The following PITPNC1 variants were observed in gnomAD, a reference collection of about 807,000 sequenced individuals.
The protein encoded by PITPNC1 is phosphatidylinositol transfer protein cytoplasmic 1.
A neutral mutation model predicts 44.7 loss-of-function variants in PITPNC1; 18 were observed. The observed-to-expected ratio is 0.40, with a 90% CI of 0.28 to 0.60. The LOEUF (loss-of-function observed/expected upper bound fraction) is 0.60, where lower values mean the gene tolerates loss of function less well. PITPNC1 is among the 20% of genes least tolerant of loss of function. The pLI, the probability that PITPNC1 is intolerant of heterozygous loss-of-function variation, is 0.39. For synonymous variants in PITPNC1, 141 were observed against 149.6 expected, an observed-to-expected ratio of 0.94 and a Z score of 0.42; for missense variants, 290 against 418.4, an observed-to-expected ratio of 0.69 and a Z score of 2.68.
intron 1 of PITPNC1, among the ~76,000 whole-genome samples, chr17:67,528,187 G>A (rs1017054775): frequency 2.0e-5 from 3 of 152,048 alleles, no homozygotes; most frequent in Admixed American, 6.6e-5. Context: ...GATTACAGGC[G>A]TGCACCACCA....
Position 67,391,067 on chromosome 17 carries a change from G to A in PITPNC1, c.48+12865G>A, listed in dbSNP as rs1277053532. Among the ~76,000 whole-genome samples, 3 of 151,798 alleles carry A rather than the reference G, an allele frequency of 2.0e-5. No homozygotes were observed. The East Asian group carries it at 5.8e-4, about 29-fold the overall frequency. On this transcript the variant is annotated intron_variant, in intron 1 of 8. Transcript: ENST00000581322. ...ATCTAATGACTTTTTTAGCGTGTGT[G>A]TGTGTGTGTGTGTGTGTGTTTAATC...
intron 1 of PITPNC1, among the ~76,000 whole-genome samples, chr17:67,413,678 G>C (rs966804991): frequency 7.9e-5 from 12 of 152,166 alleles, no homozygotes; most frequent in African/African-American, 2.9e-4. Context: ...GCCAGAGATA[G>C]ATGCCTGGGA....
chr17:67,680,862 T>C (rs1206187431), intron 8 of PITPNC1, among the ~76,000 whole-genome samples: 1 of 152,230 alleles, frequency 6.6e-6, no homozygotes, highest in Non-Finnish European at 1.5e-5. Flanking sequence ...TTCTGGGGCC[T>C]CCCTGACCCA....
At chr17:67,480,007 A>G (rs756452792) in intron 1 of PITPNC1, among the ~76,000 whole-genome samples, 5 of 152,258 alleles carry the variant, frequency 3.3e-5, no homozygotes, top group Non-Finnish European at 7.3e-5. Flanking sequence ...AGGTTTGTTG[A>G]ACAAGTAATT....
At chr17:67,634,061 G>A (rs2042001788) in intron 6 of PITPNC1, among the ~76,000 whole-genome samples, 1 of 152,164 alleles carries the variant, frequency 6.6e-6, no homozygotes, top group Non-Finnish European at 1.5e-5. Flanking sequence ...TGCCCCCAAA[G>A]AACCTCCACT....
intron 6 of PITPNC1, among the ~76,000 whole-genome samples, chr17:67,658,687 C>T (rs1319980319): frequency 6.6e-6 from 1 of 152,158 alleles, no homozygotes; most frequent in Non-Finnish European, 1.5e-5. Context: ...CTGGTGCCTG[C>T]CCACCTTGCT....
chr17:67,581,723 G>T (rs1226156295), intron 5 of PITPNC1, among the ~76,000 whole-genome samples: 1 of 152,098 alleles, frequency 6.6e-6, no homozygotes. Context: ...TTCAAAGTTG[G>T]TCCCAGAAAG....
intron 1 of PITPNC1, chr17:67,379,230 G>A: frequency 1.0e-6 from 1 of 985,780 alleles, no homozygotes; most frequent in Non-Finnish European, 1.2e-6. Context: ...CACCCAGACC[G>A]TCTTTATATT....
chr17:67,462,377 G>A lies in PITPNC1; in HGVS notation c.49-70425G>A, dbSNP rs984717680. The stretch of plus-strand genomic sequence containing the variant: ...CTCCTGAGTAGCCAGGATTATAGGC[G>A]CCCACCACCATGTCCAGCTAATTGT... On this transcript the variant is annotated intron_variant, in intron 1 of 8. Coordinates refer to ENST00000581322, the MANE Select transcript of PITPNC1 (RefSeq NM_012417.4). Among the ~76,000 whole-genome samples the A allele has an allele frequency of 8.6e-4, 129 of 150,860 alleles. 1 individual carries two copies. The highest frequency in any genetic ancestry group is 2.9e-3 in the African/African-American group (119 of 41,060).
chr17:67,457,078 A>G (rs564054697), intron 1 of PITPNC1: 2 of 151,644 alleles, frequency 1.3e-5, no homozygotes, highest in South Asian at 4.2e-4. Flanking sequence ...ACTACTGATC[A>G]GCACAGGAGT....
At chr17:67,495,111 C>T (rs1228200881) in intron 1 of PITPNC1, among the ~76,000 whole-genome samples, 1 of 114,962 alleles carries the variant, frequency 8.7e-6, no homozygotes, top group Non-Finnish European at 1.6e-5. Flanking sequence ...GGCTGGAGTG[C>T]AGTGGCGCTA....
chr17:67,473,368 G>A (rs1010203579), intron 1 of PITPNC1, among the ~76,000 whole-genome samples: 2 of 151,378 alleles, frequency 1.3e-5, no homozygotes, highest in East Asian at 2.0e-4. Flanking sequence ...TCGCTCTGTC[G>A]CCCAGGCTGG....
intron 1 of PITPNC1, among the ~76,000 whole-genome samples, chr17:67,453,997 C>G (rs531065552): frequency 4.8e-4 from 73 of 152,054 alleles, no homozygotes; most frequent in African/African-American, 1.7e-3. Flanking sequence ...CGTCGGTAAT[C>G]GCCAGCATTT....
chr17:67,691,147 G>C (rs1226472610), intron 8 of PITPNC1, among the ~76,000 whole-genome samples: 2 of 151,872 alleles, frequency 1.3e-5, no homozygotes, highest in Non-Finnish European at 2.9e-5. Context: ...AGTAATAATA[G>C]AGTTTCTGAG....
intron 8 of PITPNC1, among the ~76,000 whole-genome samples, chr17:67,681,743 C>G (rs1023700046): frequency 1.4e-4 from 21 of 149,154 alleles, no homozygotes; most frequent in African/African-American, 4.9e-4. Context: ...ATGAGAAAAA[C>G]AAGAAAATAG....
At chr17:67,426,253 A>G (rs1175293799) in intron 1 of PITPNC1, among the ~76,000 whole-genome samples, 2 of 152,212 alleles carry the variant, frequency 1.3e-5, no homozygotes, top group Non-Finnish European at 2.9e-5. Flanking sequence ...CAATCCCATT[A>G]CTGGGTATAT....
intron 6 of PITPNC1, chr17:67,632,568 TC>T: frequency 1.1e-5 from 2 of 176,476 alleles, no homozygotes; most frequent in Non-Finnish European, 1.1e-5. Context: ...TTACATGCGC[TC>T]TTTTTTTTTT....
chr17:67,635,652 G>T (rs2042023671), intron 6 of PITPNC1, among the ~76,000 whole-genome samples: 1 of 152,176 alleles, frequency 6.6e-6, no homozygotes, highest in South Asian at 2.1e-4. Context: ...GAGCCTTCAA[G>T]GATGGCAGCA....
chr17:67,447,301 T>A (rs2039112275), intron 1 of PITPNC1, among the ~76,000 whole-genome samples: 1 of 151,566 alleles, frequency 6.6e-6, no homozygotes, highest in Non-Finnish European at 1.5e-5. Context: ...GGTTGCTAGG[T>A]GGGAGGGTGC....
Sources: gnomAD v4.1 joint callset for allele counts (sites outside exome capture counted in the v4.1 genomes callset) on GRCh38, gnomAD v4.1.1 for gene constraint, MANE v1.5 for transcripts, NCBI Gene and HGNC (gene_info 2026-07-23, HGNC 2026-07-21) for gene names.